The following BLMH variants were observed in gnomAD, a reference collection of about 807,000 sequenced individuals.
BLMH encodes bleomycin hydrolase, also known as BLM hydrolase.
A neutral mutation model predicts 61.6 loss-of-function variants in BLMH; 32 were observed. That is an observed-to-expected ratio of 0.52 (90% CI 0.39 to 0.70). The LOEUF is 0.70. Ranked by LOEUF, BLMH falls within the 30% of genes least tolerant of loss-of-function variation. The pLI is 0.00. For synonymous variants in BLMH, 183 were observed against 193.8 expected, an observed-to-expected ratio of 0.94 and a Z score of 0.46; for missense variants, 460 against 555.5, an observed-to-expected ratio of 0.83 and a Z score of 1.73.
chr17:30,275,949 C>T (rs1293464907), intron 6 of BLMH, among the ~76,000 whole-genome samples: 2 of 152,102 alleles, frequency 1.3e-5, no homozygotes, highest in South Asian at 2.1e-4. Flanking sequence ...CTATATTGTG[C>T]TAGATACTAT....
At chr17:30,283,316 T>C (rs1908640270) in intron 6 of BLMH, among the ~76,000 whole-genome samples, 2 of 152,154 alleles carry the variant, frequency 1.3e-5, no homozygotes, top group South Asian at 4.1e-4. Context: ...AAAAAATATG[T>C]GAAACATATC....
At position 30,254,524 on chromosome 17, in the gene BLMH, G is replaced by C. The variant is rs1196050667; in HGVS notation, c.1217-5356C>G. On this transcript the variant is annotated intron_variant, in intron 11 of 11. Transcript: ENST00000261714. ...GTGTAGCAACATGAAGAAATGTTTA[G>C]GTGATAAAAAATAGATTAGAGTGGC... Among the ~76,000 whole-genome samples, 3 of 151,998 alleles carry C rather than the reference G, an allele frequency of 2.0e-5. No homozygotes were observed. In the East Asian group the frequency reaches 5.8e-4, roughly 29 times the overall value.
rs1908866616 is a variant in BLMH, at chr17:30,290,879, AT to A, written c.211+431del. 7.4e-5 allele frequency: 12 copies of A among 162,642 alleles called. No individual in the cohort carries two copies. In the South Asian group the frequency reaches 2.1e-3, roughly 28 times the overall value. The allele number at this position is 162,642 out of a possible 1,614,324, so 10.1% of individuals were successfully genotyped here. On this transcript the variant is annotated intron_variant, in intron 2 of 11. Coordinates refer to ENST00000261714, the MANE Select transcript of BLMH (RefSeq NM_000386.4). The stretch of plus-strand genomic sequence containing the variant: ...ACCAAGAAGCATATTTAAAAGTAAC[AT>A]CTGATGACATTTTAATGTAATTACA...
intron 6 of BLMH, among the ~76,000 whole-genome samples, chr17:30,284,535 T>C (rs1314715924): frequency 6.6e-6 from 1 of 152,248 alleles, no homozygotes; most frequent in East Asian, 1.9e-4. Context: ...CATTTATTCT[T>C]TCCTCAAACC....
Position 30,291,461 on chromosome 17 carries a change from CG to C in BLMH, c.60del (p.Asp21ThrfsTer21). The C allele has an allele frequency of 6.2e-7, 1 of 1,614,144 alleles. No individual in the cohort carries two copies. Among genetic ancestry groups the C allele is most frequent in the Non-Finnish European group, 8.5e-7 (1 of 1,180,016 alleles). ...KVAALIQKLN[S>X]DPQFVLAQNV... ...TTCTGGGCAAGTACGAACTGGGGGTCGGAATTCAGTTTCTGTATCAGAGCAG... is the reference window on the plus strand; with the variant it reads ...TTCTGGGCAAGTACGAACTGGGGGTCGAATTCAGTTTCTGTATCAGAGCAG... On this transcript the variant is annotated frameshift_variant, in exon 2 of 12. Transcript: ENST00000261714. LOFTEE classifies it high-confidence loss of function.
At chr17:30,274,835 T>A (rs1908372903) in intron 6 of BLMH, among the ~76,000 whole-genome samples, 1 of 151,822 alleles carries the variant, frequency 6.6e-6, no homozygotes, top group Non-Finnish European at 1.5e-5. Context: ...AAAAATTAGC[T>A]GGACGTGGTG....
At chr17:30,276,662 T>C (rs1365059046) in intron 6 of BLMH, among the ~76,000 whole-genome samples, 1 of 152,194 alleles carries the variant, frequency 6.6e-6, no homozygotes, top group African/African-American at 2.4e-5. Flanking sequence ...CCCTATTACC[T>C]CCCATAACAA....
intron 11 of BLMH, among the ~76,000 whole-genome samples, chr17:30,266,124 T>TA (rs1034555778): frequency 6.6e-6 from 1 of 152,156 alleles, no homozygotes; most frequent in African/African-American, 2.4e-5. Flanking sequence ...CCACTTTAGG[T>TA]ATGACAACTT....
chr17:30,260,218 C>T (rs1907918986), intron 11 of BLMH, among the ~76,000 whole-genome samples: 1 of 152,192 alleles, frequency 6.6e-6, no homozygotes. Flanking sequence ...AGCCAGGATG[C>T]ATACCCAGGC....
At chr17:30,279,027 G>C (rs1266424203) in intron 6 of BLMH, among the ~76,000 whole-genome samples, 1 of 152,216 alleles carries the variant, frequency 6.6e-6, no homozygotes, top group African/African-American at 2.4e-5. Context: ...CTGATAAAGG[G>C]GGTGGACTTG....
intron 11 of BLMH, among the ~76,000 whole-genome samples, chr17:30,252,533 CAAAAAAAAAAAA>C (rs34594289): frequency 1.5e-5 from 1 of 66,392 alleles, no homozygotes; most frequent in Non-Finnish European, 2.9e-5. Flanking sequence ...CCCATCCTCA[CAAAAAAAAAAAA>C]AAAAAAAAAA....
chr17:30,252,036 G>A (rs2143019345), intron 11 of BLMH: 1 of 152,268 alleles, frequency 6.6e-6, no homozygotes, highest in South Asian at 2.1e-4. Flanking sequence ...GAAGACAGCT[G>A]AATTCCTGTA....
Position 30,271,400 on chromosome 17 carries a change from A to G in BLMH, c.1029-12T>C, listed in dbSNP as rs1160163511. 1 of 1,599,424 alleles carries G rather than the reference A, an allele frequency of 6.3e-7. No individual in the cohort carries two copies. Among genetic ancestry groups the G allele is most frequent in the South Asian group, 1.1e-5 (1 of 90,782 alleles). On this transcript the variant is annotated splice_polypyrimidine_tract_variant and intron_variant, in intron 9 of 11. Coordinates refer to ENST00000261714, the MANE Select transcript of BLMH (RefSeq NM_000386.4). ...ACTCATGGTCATAGCTGTAAAAAGA[A>G]TGATAGTACAAAATAAAGGGAGTAC...
chr17:30,254,221 T>C (rs890732115), intron 11 of BLMH, among the ~76,000 whole-genome samples: 1 of 152,242 alleles, frequency 6.6e-6, no homozygotes, highest in African/African-American at 2.4e-5. Context: ...GTGGCTATTA[T>C]TTTTTGCCAT....
intron 10 of BLMH, among the ~76,000 whole-genome samples, chr17:30,269,841 T>C (rs1908217594): frequency 1.3e-5 from 2 of 152,220 alleles, no homozygotes; most frequent in Admixed American, 6.5e-5. Context: ...TACACCATAC[T>C]GTGTTTGATC....
At chr17:30,279,661 A>T (rs1567837672) in intron 6 of BLMH, among the ~76,000 whole-genome samples, 1 of 152,102 alleles carries the variant, frequency 6.6e-6, no homozygotes, top group Non-Finnish European at 1.5e-5. Context: ...TTCAGGCCAG[A>T]TGCAGTGGCT....
chr17:30,291,810 A>C lies in BLMH; in HGVS notation c.10T>G (p.Ser4Ala). MSSSGLNSEKVAAL... is the reference protein window; with the variant it reads MSSAGLNSEKVAAL... Reference sequence around the variant, plus strand: ...GCGGGGGACGGCGGCACCTCACCCGAGCTGCTCATGGCGCCCACGCTGCCC... The same window carrying C: ...GCGGGGGACGGCGGCACCTCACCCGCGCTGCTCATGGCGCCCACGCTGCCC... The change falls in exon 1 of 12, where the codon TCG becomes GCG. Residue 4 changes from serine (S) to alanine (A), a missense_variant. By Grantham distance (99) the Ser-to-Ala change is moderately conservative. This residue lies in a region of BLMH where 86 missense variants were observed against 84.5 expected (regional missense o/e 1.02). Coordinates refer to ENST00000261714, the MANE Select transcript of BLMH (RefSeq NM_000386.4). The C allele has an allele frequency of 7.2e-7, 1 of 1,386,344 alleles. No homozygotes were observed. Among genetic ancestry groups the C allele is most frequent in the Non-Finnish European group, 9.3e-7 (1 of 1,074,684 alleles). 85.9% of individuals were successfully genotyped at this position (1,386,344 alleles called of 1,614,324 possible). A position where few individuals can be genotyped will look rare whatever the true frequency, so the allele number is the denominator to read the frequency against.
intron 11 of BLMH, chr17:30,252,124 T>C (rs936016767): frequency 1.3e-5 from 2 of 152,142 alleles, no homozygotes; most frequent in South Asian, 2.1e-4. Flanking sequence ...CACACAGATA[T>C]GTTGCTCAAG....
intron 9 of BLMH, 177 bp downstream of exon 9, chr17:30,272,384 A>T: frequency 1.4e-6 from 1 of 705,624 alleles, no homozygotes; most frequent in Non-Finnish European, 2.5e-6. Flanking sequence ...TAGAGTGTTT[A>T]AGTATGTGGA....
Sources: allele counts gnomAD v4.1 joint callset (sites outside exome capture counted in the v4.1 genomes callset), GRCh38; gene constraint gnomAD v4.1.1; regional missense constraint gnomAD v4.1.1; transcripts MANE v1.5; gene names NCBI Gene and HGNC (gene_info 2026-07-23, HGNC 2026-07-21).